Variants in HSP90AA1 observed in about 807,000 individuals in gnomAD.
HSP90AA1 encodes heat shock protein 90 alpha family class A member 1.
A neutral mutation model predicts 73.3 loss-of-function variants in HSP90AA1; 18 were observed. The ratio of observed to expected loss-of-function variants is 0.25; its 90% confidence interval spans 0.17 to 0.36. The LOEUF (loss-of-function observed/expected upper bound fraction) is 0.36. HSP90AA1 is among the 10% of genes least tolerant of loss of function. The pLI is 1.00. For missense variants in HSP90AA1, 704 were observed against 874.2 expected, an observed-to-expected ratio of 0.81 and a Z score of 2.45; for synonymous variants, 477 against 296.9, an observed-to-expected ratio of 1.61 and a Z score of -6.24.
chr14:102,108,051 G>A (rs553199167), intron 1 of HSP90AA1, among the ~76,000 whole-genome samples: 1 of 151,178 alleles, frequency 6.6e-6, no homozygotes, highest in Non-Finnish European at 1.5e-5. Flanking sequence ...CATTGCTTGA[G>A]ACCATTTTGA....
upstream of HSP90AA1, among the ~76,000 whole-genome samples, chr14:102,090,927 C>G (rs2049348981): frequency 1.3e-5 from 2 of 152,194 alleles, no homozygotes; most frequent in African/African-American, 4.8e-5. Context: ...TCCAGGTGGC[C>G]TGGATTCAGA....
At position 102,083,810 on chromosome 14, in the gene HSP90AA1, A is replaced by G; in HGVS notation, c.1321T>C (p.Phe441Leu). The change falls in exon 7 of 11, where the codon TTC becomes CTC. Residue 441 changes from phenylalanine (F) to leucine (L), a missense_variant. Phe to Leu is a conservative substitution (Grantham distance 22). Transcript: ENST00000216281. Reference protein sequence around the residue: ...KENYKKFYEQFSKNIKLGIHE... With the variant: ...KENYKKFYEQLSKNIKLGIHE... ...ACACCAACCTTTATGTTTTTAGAGA[A>G]CTGCTCATAGAATTTCTTGTAGTTC... 6.2e-7 allele frequency: 1 copy of G among 1,613,294 alleles called. No homozygotes were observed. Among genetic ancestry groups the G allele is most frequent in the Non-Finnish European group, 8.5e-7 (1 of 1,179,678 alleles).
chr14:102,093,025 G>A (rs117811837), intron 2 of HSP90AA1, among the ~76,000 whole-genome samples: 3,537 of 152,096 alleles, frequency 0.023, 81 homozygotes, highest in South Asian at 0.1. Context: ...GGTTACGGGC[G>A]TGAACCACCG....
At chr14:102,128,347 G>A (rs993146656) in intron 1 of HSP90AA1, among the ~76,000 whole-genome samples, 21 of 152,270 alleles carry the variant, frequency 1.4e-4, no homozygotes, top group African/African-American at 4.6e-4. Flanking sequence ...CAAAAATTAG[G>A]ATGGGCGCAG....
chr14:102,129,151 T>C (rs1203247596), intron 1 of HSP90AA1, among the ~76,000 whole-genome samples: 7 of 149,964 alleles, frequency 4.7e-5, no homozygotes, highest in African/African-American at 1.7e-4. Context: ...TTTTTTTTTT[T>C]TTTGAGACGG....
At chr14:102,121,357 T>C (rs2049776556) in intron 1 of HSP90AA1, among the ~76,000 whole-genome samples, 1 of 152,220 alleles carries the variant, frequency 6.6e-6, no homozygotes, top group Non-Finnish European at 1.5e-5. Flanking sequence ...TTTTTCACTA[T>C]TAAGAACAAT....
At chr14:102,118,979 C>T (rs1194576552) in intron 1 of HSP90AA1, among the ~76,000 whole-genome samples, 1 of 151,814 alleles carries the variant, frequency 6.6e-6, no homozygotes, top group African/African-American at 2.4e-5. Flanking sequence ...CTCAGCCCCC[C>T]AAGTAGCTGG....
upstream of HSP90AA1, among the ~76,000 whole-genome samples, chr14:102,090,601 C>A (rs761035884): frequency 2.6e-5 from 4 of 152,140 alleles, no homozygotes; most frequent in Non-Finnish European, 4.4e-5. Context: ...AGGCGCCCGC[C>A]ACCACACCTG....
intron 1 of HSP90AA1, among the ~76,000 whole-genome samples, chr14:102,136,763 C>T (rs2050003772): frequency 6.6e-6 from 1 of 150,900 alleles, no homozygotes; most frequent in Non-Finnish European, 1.5e-5. Flanking sequence ...GTGGCAGGTG[C>T]CTTAATCCCA....
chr14:102,134,273 C>T (rs1481433361), intron 1 of HSP90AA1, among the ~76,000 whole-genome samples: 2 of 146,024 alleles, frequency 1.4e-5, no homozygotes, highest in East Asian at 2.0e-4. Context: ...TGCAGAGAGC[C>T]GACATGGAGC....
chr14:102,113,592 G>T (rs1391224825), intron 1 of HSP90AA1, among the ~76,000 whole-genome samples: 3 of 151,884 alleles, frequency 2.0e-5, no homozygotes, highest in Non-Finnish European at 2.9e-5. Context: ...CACCATGTTG[G>T]CTAGGCTGGA....
chr14:102,084,165 G>T (rs1198405980), intron 6 of HSP90AA1, 182 bp from the exon 7 acceptor site: 13 of 694,290 alleles, frequency 1.9e-5, no homozygotes, highest in South Asian at 3.4e-5. Context: ...TGCCTCCCGG[G>T]GGGGTTCAAG....
intron 1 of HSP90AA1, among the ~76,000 whole-genome samples, chr14:102,137,308 CATTTATTTATTTATCT>C (rs1277651741): frequency 6.6e-6 from 1 of 151,048 alleles, no homozygotes; most frequent in South Asian, 2.1e-4. Flanking sequence ...AGGTCAGGCC[CATTTATTTATTTATCT>C]ATTTATTTAT....
At chr14:102,117,563 C>G (rs1007475969) in intron 1 of HSP90AA1, among the ~76,000 whole-genome samples, 2 of 152,040 alleles carry the variant, frequency 1.3e-5, no homozygotes, top group African/African-American at 2.4e-5. Flanking sequence ...GCTGAACACC[C>G]CCCAGCTGCA....
intron 8 of HSP90AA1, 108 bp downstream of exon 8, chr14:102,083,438 C>G (rs1035009185): frequency 2.3e-5 from 32 of 1,415,164 alleles, no homozygotes; most frequent in Non-Finnish European, 3.1e-5. Flanking sequence ...AATTATCTTG[C>G]CTAGATCAAT....
intron 8 of HSP90AA1, 67 bp from the exon 9 acceptor site, chr14:102,083,369 T>C (rs1286565945): frequency 5.7e-6 from 9 of 1,566,882 alleles, no homozygotes; most frequent in Non-Finnish European, 7.9e-6. Flanking sequence ...AGCTCTGACT[T>C]TTCTTGCTAG....
chr14:102,135,318 C>CA (rs2049975412), intron 1 of HSP90AA1, among the ~76,000 whole-genome samples: 1 of 150,362 alleles, frequency 6.7e-6, no homozygotes, highest in Non-Finnish European at 1.5e-5. Flanking sequence ...GGTGTATTTA[C>CA]AATCCCTGAG....
At position 102,084,573 on chromosome 14, in the gene HSP90AA1, A is replaced by C. The variant is rs1440754667; in HGVS notation, c.982-9T>G. 6.2e-7 allele frequency: 1 copy of C among 1,614,202 alleles called. No homozygotes were observed. The highest frequency in any genetic ancestry group is 8.5e-7 in the Non-Finnish European group (1 of 1,180,024). ...CCTTCAACTGAAAAATGCTGTAATA[A>C]AACAGATACACTAAGTACCAATGAA... On this transcript the variant is annotated splice_polypyrimidine_tract_variant and intron_variant, in intron 5 of 10. Transcript: ENST00000216281.
rs1595678972 is a variant in HSP90AA1, at chr14:102,124,863, G to C, written c.155+14387C>G. The stretch of plus-strand genomic sequence containing the variant: ...TTTATGTTATGTCTTTTGACCTTAA[G>C]TCCAGTGCTCTTTTTTGAGTATATA... On this transcript the variant is annotated intron_variant, in intron 1 of 11. Coordinates refer to the HSP90AA1 transcript ENST00000334701. Among the ~76,000 whole-genome samples, 2 of 152,132 alleles carry C rather than the reference G, an allele frequency of 1.3e-5. 1 individual carries two copies. The highest frequency in any genetic ancestry group is 3.8e-4 in the East Asian group (2 of 5,198).
Sources: gnomAD v4.1 joint callset for allele counts (sites outside exome capture counted in the v4.1 genomes callset) on GRCh38, gnomAD v4.1.1 for gene constraint, MANE v1.5 for transcripts, NCBI Gene and HGNC (gene_info 2026-07-23, HGNC 2026-07-21) for gene names.